VPS50: variants seen among roughly 807,000 people sequenced by gnomAD.
VPS50 encodes syndetin.
Under a neutral mutation model 139.7 loss-of-function variants are expected in VPS50, and 70 were observed. The observed-to-expected ratio is 0.50, with a 90% CI of 0.41 to 0.61. The LOEUF is 0.61. Ranked by LOEUF, VPS50 falls within the 20% of genes least tolerant of loss-of-function variation. VPS50 has a pLI of 0.00. For synonymous variants in VPS50, 365 were observed against 376.7 expected, an observed-to-expected ratio of 0.97 and a Z score of 0.36; for missense variants, 921 against 1,133.7, an observed-to-expected ratio of 0.81 and a Z score of 2.69.
At chr7:93,258,447 A>G in intron 8 of VPS50, 55 bp downstream of exon 8, 1 of 1,347,356 alleles carries the variant, frequency 7.4e-7, no homozygotes, top group Middle Eastern at 1.9e-4. Context: ...GAAACAGTAA[A>G]GCAGACAAAA....
At chr7:93,261,243 T>A (rs1795661505) in intron 9 of VPS50, among the ~76,000 whole-genome samples, 1 of 152,206 alleles carries the variant, frequency 6.6e-6, no homozygotes, top group African/African-American at 2.4e-5. Flanking sequence ...TCAGGCAGTT[T>A]ACAGAGTGTT....
chr7:93,348,672 C>G, intron 23 of VPS50, 39 bp from the exon 24 acceptor site: 1 of 1,297,908 alleles, frequency 7.7e-7, no homozygotes, highest in South Asian at 1.2e-5. Flanking sequence ...CTAAATCCTA[C>G]ACAATTTGTT....
chr7:93,275,910 C>A (rs907241472), intron 11 of VPS50: 8 of 393,400 alleles, frequency 2.0e-5, no homozygotes, highest in African/African-American at 1.4e-4. Context: ...AGATGAATAC[C>A]AGTTATAAAT....
At chr7:93,298,276 A>G (rs1004114435) in intron 16 of VPS50, among the ~76,000 whole-genome samples, 1 of 152,190 alleles carries the variant, frequency 6.6e-6, no homozygotes, top group South Asian at 2.1e-4. Flanking sequence ...AACCTCAGGG[A>G]AACAGTGGGA....
rs939443629 is a variant in VPS50 at position 93,360,236 on chromosome 7, C to T, written c.*1800C>T. On this transcript the variant is annotated 3_prime_UTR_variant, in exon 28 of 28. Transcript: ENST00000305866. ...CCTAGATAATATGAACAGGAATCACCTGCCTGGTAGAGCCCAGTGTTTTCC... is the reference window on the plus strand; with the variant it reads ...CCTAGATAATATGAACAGGAATCACTTGCCTGGTAGAGCCCAGTGTTTTCC... 6.6e-6 allele frequency: 1 copy of T among 151,988 alleles called. No individual in the cohort carries two copies. The highest frequency in any genetic ancestry group is 1.5e-5 in the Non-Finnish European group (1 of 67,988). 9.4% of individuals were successfully genotyped at this position (151,988 alleles called of 1,614,324 possible). A position where few individuals can be genotyped will look rare whatever the true frequency, so the allele number is the denominator to read the frequency against.
intron 20 of VPS50, among the ~76,000 whole-genome samples, chr7:93,312,616 G>T (rs148694243): frequency 4.6e-5 from 7 of 152,082 alleles, no homozygotes; most frequent in African/African-American, 1.7e-4. Flanking sequence ...GAATAAGTTC[G>T]TGCATTTTTT....
At chr7:93,323,483 T>C (rs1435551921) in intron 20 of VPS50, 128 bp from the exon 21 acceptor site, 1 of 278,236 alleles carries the variant, frequency 3.6e-6, no homozygotes, top group Admixed American at 5.2e-5. Flanking sequence ...ACATGGCTAC[T>C]GTGAGGGAGT....
intron 9 of VPS50, among the ~76,000 whole-genome samples, chr7:93,267,540 A>G (rs910262895): frequency 2.0e-5 from 3 of 152,118 alleles, no homozygotes; most frequent in Admixed American, 1.3e-4. Context: ...AGTTCTGGGG[A>G]GTCACTGGTG....
intron 20 of VPS50, among the ~76,000 whole-genome samples, chr7:93,317,367 T>C (rs1352742623): frequency 6.6e-6 from 1 of 152,036 alleles, no homozygotes; most frequent in African/African-American, 2.4e-5. Context: ...CTGGCCAACA[T>C]AGCAAAACCT....
rs545466669 is a variant in VPS50, at chr7:93,243,360, G to A, written c.102+3426G>A. 3.4e-4 allele frequency among the ~76,000 whole-genome samples: 51 copies of A among 152,018 alleles called. No individual in the cohort carries two copies. In the East Asian group the frequency reaches 3.5e-3, roughly 10 times the overall value. ...AATTCCAATTAAATCACCGTTTTTG[G>A]GTGGAGGCAAGTGTCAGTAATATTT... is the stretch of plus-strand genomic sequence containing the variant. On this transcript the variant is annotated intron_variant, in intron 2 of 27. Transcript: ENST00000305866.
chr7:93,349,171 G>T (rs1798488303), intron 24 of VPS50, among the ~76,000 whole-genome samples: 1 of 152,134 alleles, frequency 6.6e-6, no homozygotes, highest in Admixed American at 6.6e-5. Flanking sequence ...GTTTAAACTG[G>T]ACCAGCAGGG....
At chr7:93,346,440 C>T (rs554013554) in intron 23 of VPS50, among the ~76,000 whole-genome samples, 2,742 of 152,240 alleles carry the variant, frequency 0.018, 89 homozygotes, top group African/African-American at 0.063. Context: ...CATCAAGCTA[C>T]CAATGACTTT....
At position 93,344,798 on chromosome 7, in the gene VPS50, A is replaced by G. The variant is rs538236245; in HGVS notation, c.2207+3223A>G. On this transcript the variant is annotated intron_variant, in intron 23 of 27. Transcript: ENST00000305866. ...AAACCAACAAGAACAAAGACACAAC[A>G]TACCAGAATCTCTGGGACACATTCA... Among the ~76,000 whole-genome samples, 6 of 152,224 alleles carry G rather than the reference A, an allele frequency of 3.9e-5. No homozygotes were observed. In the East Asian group the frequency reaches 9.6e-4, roughly 24 times the overall value.
chr7:93,321,889 G>A (rs1468859479), intron 20 of VPS50, among the ~76,000 whole-genome samples: 1 of 151,966 alleles, frequency 6.6e-6, no homozygotes, highest in Non-Finnish European at 1.5e-5. Flanking sequence ...TCTTCACAGT[G>A]TTGCATTATT....
intron 20 of VPS50, among the ~76,000 whole-genome samples, chr7:93,313,051 T>C (rs1797317290): frequency 6.6e-6 from 1 of 152,232 alleles, no homozygotes; most frequent in Non-Finnish European, 1.5e-5. Context: ...TATATGCAGC[T>C]CTGCTCCGTG....
At chr7:93,300,592 G>C (rs1468155652) in intron 16 of VPS50, among the ~76,000 whole-genome samples, 1 of 151,986 alleles carries the variant, frequency 6.6e-6, no homozygotes, top group Non-Finnish European at 1.5e-5. Flanking sequence ...CAGAATACAG[G>C]AAAATATCAC....
At chr7:93,292,202 T>G (rs1381566487) in intron 13 of VPS50, among the ~76,000 whole-genome samples, 1 of 152,100 alleles carries the variant, frequency 6.6e-6, no homozygotes, top group Non-Finnish European at 1.5e-5. Context: ...ATTAATCTAT[T>G]TAGCCAATTT....
chr7:93,260,640 T>C (rs1795638124), intron 9 of VPS50, among the ~76,000 whole-genome samples: 1 of 152,056 alleles, frequency 6.6e-6, no homozygotes, highest in Non-Finnish European at 1.5e-5. Context: ...ATGGTTTTTT[T>C]TTTTCTTTAA....
intron 2 of VPS50, among the ~76,000 whole-genome samples, chr7:93,241,177 A>G (rs1297194422): frequency 6.6e-6 from 1 of 152,166 alleles, no homozygotes; most frequent in Non-Finnish European, 1.5e-5. Context: ...TTAAAAAAAT[A>G]CATTACAGTC....
Sources: allele counts gnomAD v4.1 joint callset (sites outside exome capture counted in the v4.1 genomes callset), GRCh38; gene constraint gnomAD v4.1.1; transcripts MANE v1.5; gene names NCBI Gene and HGNC (gene_info 2026-07-23, HGNC 2026-07-21).